The following CHD6 variants were observed in gnomAD, a reference collection of about 807,000 sequenced individuals.
The protein encoded by CHD6 is chromodomain helicase DNA binding protein 6.
In CHD6, 50 loss-of-function variants were observed where a neutral mutation model predicts 276.9. The observed-to-expected ratio is 0.18, with a 90% CI of 0.14 to 0.23. The LOEUF is 0.23. Ranked by LOEUF, CHD6 falls within the 10% of genes least tolerant of loss-of-function variation. CHD6 has a pLI of 1.00. For missense variants in CHD6, 2,564 were observed against 3,365.8 expected (o/e 0.76, Z 5.89); for synonymous variants, 1,173 against 1,229.3 (o/e 0.95, Z 0.96).
chr20:41,508,806 G>T (rs1477497055), intron 5 of CHD6, among the ~76,000 whole-genome samples: 1 of 152,010 alleles, frequency 6.6e-6, no homozygotes. Context: ...AGACAGAGAT[G>T]AATACCAGTG....
intron 17 of CHD6, among the ~76,000 whole-genome samples, chr20:41,469,914 C>A (rs949813725): frequency 2.0e-5 from 3 of 152,210 alleles, no homozygotes; most frequent in Non-Finnish European, 2.9e-5. Flanking sequence ...ATCCTGGATC[C>A]TAATGAACCT....
intron 16 of CHD6, among the ~76,000 whole-genome samples, chr20:41,478,227 C>T (rs2043210009): frequency 6.6e-6 from 1 of 152,150 alleles, no homozygotes; most frequent in Admixed American, 6.6e-5. Context: ...ACAGTGCCCC[C>T]CCATCTGATG....
At chr20:41,409,670 C>T (rs752313622) in intron 36 of CHD6, among the ~76,000 whole-genome samples, 4 of 152,116 alleles carry the variant, frequency 2.6e-5, no homozygotes, top group Non-Finnish European at 5.9e-5. Context: ...AACACAACAA[C>T]CAGCTCTAAA....
chr20:41,589,963 T>C (rs1178877835), intron 1 of CHD6, among the ~76,000 whole-genome samples: 1 of 150,974 alleles, frequency 6.6e-6, no homozygotes, highest in African/African-American at 2.4e-5. Context: ...GACTTCAAAC[T>C]ATACTACAAG....
chr20:41,556,902 T>C (rs2045245061), intron 1 of CHD6, among the ~76,000 whole-genome samples: 1 of 152,230 alleles, frequency 6.6e-6, no homozygotes, highest in Non-Finnish European at 1.5e-5. Context: ...GTCATCTTTT[T>C]GTAAGGCTAA....
intron 1 of CHD6, among the ~76,000 whole-genome samples, chr20:41,586,594 G>T (rs1159794673): frequency 7.2e-5 from 11 of 152,122 alleles, no homozygotes; most frequent in African/African-American, 2.7e-4. Context: ...ACCATCTTGG[G>T]AGCTCTAAGA....
chr20:41,483,255 C>T, intron 16 of CHD6, 54 bp downstream of exon 16: 2 of 1,441,786 alleles, frequency 1.4e-6, no homozygotes, highest in Non-Finnish European at 1.9e-6. Flanking sequence ...AAAAAAATAT[C>T]AAAGGAAAGG....
At chr20:41,579,315 G>A (rs978525023) in intron 1 of CHD6, among the ~76,000 whole-genome samples, 13 of 151,096 alleles carry the variant, frequency 8.6e-5, no homozygotes, top group Admixed American at 2.0e-4. Flanking sequence ...GCTCACGCCT[G>A]TAATCCCAGC....
rs146694431 is a variant in CHD6, at chr20:41,522,299, T to C, written c.555-7347A>G. The stretch of plus-strand genomic sequence containing the variant: ...TGGTTGAGGCTGTAGTCAGTCATGA[T>C]TGTGCCACTGCACACCAGCCTGGGT... On this transcript the variant is annotated intron_variant, in intron 3 of 36. Transcript: ENST00000373233. 6.4e-4 allele frequency among the ~76,000 whole-genome samples: 98 copies of C among 152,288 alleles called. No homozygotes were observed. In the East Asian group the frequency reaches 0.013, roughly 20 times the overall value.
intron 5 of CHD6, among the ~76,000 whole-genome samples, chr20:41,505,004 G>A (rs2043942617): frequency 6.6e-6 from 1 of 152,148 alleles, no homozygotes; most frequent in Non-Finnish European, 1.5e-5. Context: ...ACTGAGTTGG[G>A]TCAGGACTGA....
At chr20:41,549,147 A>G (rs1047664073) in intron 2 of CHD6, among the ~76,000 whole-genome samples, 2 of 151,720 alleles carry the variant, frequency 1.3e-5, no homozygotes, top group Non-Finnish European at 3.0e-5. Context: ...TACTGGGTAT[A>G]TACCCAAAGG....
chr20:41,423,580 C>T lies in CHD6; in HGVS notation c.4467G>A (p.Lys1489=). 6.2e-7 allele frequency: 1 copy of T among 1,614,236 alleles called. No individual in the cohort carries two copies. Among genetic ancestry groups the T allele is most frequent in the Non-Finnish European group, 8.5e-7 (1 of 1,180,034 alleles). ...TQFRIISRLD[K]KSDESLEQYF... ...ACTGTTCCAGGCTCTCATCCGACTT[C>T]TTGTCCAAACGGGAAATGATGCGGA... Residue 1489 remains lysine, a synonymous_variant, in exon 30 of 37, where the codon AAG becomes AAA. Coordinates refer to ENST00000373233, the MANE Select transcript of CHD6 (RefSeq NM_032221.5).
chr20:41,594,140 T>TA (rs976729819), intron 1 of CHD6, among the ~76,000 whole-genome samples: 28 of 152,210 alleles, frequency 1.8e-4, no homozygotes, highest in African/African-American at 6.8e-4. Flanking sequence ...CTATAGTTTT[T>TA]ATCTAACCTC....
chr20:41,593,653 C>G (rs1442979475), intron 1 of CHD6, among the ~76,000 whole-genome samples: 1 of 152,166 alleles, frequency 6.6e-6, no homozygotes, highest in Non-Finnish European at 1.5e-5. Flanking sequence ...GCCCTAAACT[C>G]TATTTCCTCA....
At chr20:41,410,241 A>G (rs2046803653) in intron 36 of CHD6, among the ~76,000 whole-genome samples, 1 of 152,198 alleles carries the variant, frequency 6.6e-6, no homozygotes, top group South Asian at 2.1e-4. Flanking sequence ...TGATTAGGTC[A>G]TAGGGGTCGA....
At chr20:41,544,687 AAAT>A (rs2045006842) in intron 2 of CHD6, among the ~76,000 whole-genome samples, 1 of 150,168 alleles carries the variant, frequency 6.7e-6, no homozygotes, top group Admixed American at 6.7e-5. Context: ...ATACTAATTA[AAAT>A]ATTAGTATTT....
At chr20:41,422,879 C>T (rs894627166) in intron 30 of CHD6, among the ~76,000 whole-genome samples, 2 of 152,208 alleles carry the variant, frequency 1.3e-5, no homozygotes, top group Non-Finnish European at 1.5e-5. Context: ...TGCGTGCTGC[C>T]ATCAGCCCTG....
chr20:41,430,684 G>A (rs2047508843), intron 27 of CHD6, among the ~76,000 whole-genome samples: 1 of 152,084 alleles, frequency 6.6e-6, no homozygotes, highest in Non-Finnish European at 1.5e-5. Flanking sequence ...GTGAGGTGAG[G>A]ATCAACTTAA....
Position 41,473,060 on chromosome 20 carries a change from T to C in CHD6, c.2664+262A>G, listed in dbSNP as rs2043091537. On this transcript the variant is annotated intron_variant, in intron 17 of 36. Coordinates refer to ENST00000373233, the MANE Select transcript of CHD6 (RefSeq NM_032221.5). The surrounding 1 kb of genome is among the most constrained non-coding windows in gnomAD (Gnocchi z 4.1). ...TCTTTATTTCTGATAATAATAATAA[T>C]TAGTAGTTCTAGTCTATATCTGGAG... 1 of 381,752 alleles carries C rather than the reference T, an allele frequency of 2.6e-6. No individual in the cohort carries two copies. Among genetic ancestry groups the C allele is most frequent in the Admixed American group, 4.1e-5 (1 of 24,456 alleles). 23.6% of individuals were successfully genotyped at this position (381,752 alleles called of 1,614,324 possible).
Sources: gnomAD v4.1 joint callset for allele counts (sites outside exome capture counted in the v4.1 genomes callset) on GRCh38, gnomAD v4.1.1 for gene constraint, Gnocchi (gnomAD v3.1) non-coding constraint, MANE v1.5 for transcripts, NCBI Gene and HGNC (gene_info 2026-07-23, HGNC 2026-07-21) for gene names.